DYRK1A: variants seen among roughly 807,000 people sequenced by gnomAD.
DYRK1A encodes the protein dual specificity tyrosine-phosphorylation-regulated kinase 1A.
A neutral mutation model predicts 79.7 loss-of-function variants in DYRK1A; 9 were observed. That is an observed-to-expected ratio of 0.11 (90% confidence interval 0.07 to 0.20). The LOEUF is 0.20. Among genes scored for constraint, DYRK1A ranks in the 10% least tolerant of loss-of-function variants. DYRK1A has a pLI of 1.00. For synonymous variants in DYRK1A, 349 were observed against 329.7 expected, an observed-to-expected ratio of 1.06 and a Z score of -0.63; for missense variants, 622 against 956.0, an observed-to-expected ratio of 0.65 and a Z score of 4.61.
intron 1 of DYRK1A, among the ~76,000 whole-genome samples, chr21:37,417,283 TGATTTC>T (rs1305124379): frequency 2.0e-5 from 3 of 152,010 alleles, no homozygotes; most frequent in African/African-American, 7.2e-5. Flanking sequence ...CTCCGCCTCC[TGATTTC>T]AAGCAATTCT....
intron 6 of DYRK1A, among the ~76,000 whole-genome samples, chr21:37,489,634 A>G (rs1034570314): frequency 3.3e-5 from 2 of 60,780 alleles, no homozygotes; most frequent in Non-Finnish European, 7.4e-5. Context: ...CCTAAAGGGT[A>G]AAAAAAAAAA....
Position 37,367,422 on chromosome 21 carries a change from G to T in DYRK1A, c.-283G>T, listed in dbSNP as rs993905349. On this transcript the variant is annotated 5_prime_UTR_variant, in exon 1 of 12. Coordinates refer to ENST00000647188, the MANE Select transcript of DYRK1A (RefSeq NM_001347721.2). ...TGCGGTATTTGCCGGGGAGGGGGCT[G>T]TCGCCTCCCCGGCCCCGGGCGCCGC... The T allele has an allele frequency of 6.7e-6, 1 of 148,736 alleles. No individual in the cohort carries two copies. The highest frequency in any genetic ancestry group is 1.5e-5 in the Non-Finnish European group (1 of 66,720). The allele number at this position is 148,736 out of a possible 1,614,324, so 9.2% of individuals were successfully genotyped here. A position where few individuals can be genotyped will look rare whatever the true frequency, so the allele number is the denominator to read the frequency against.
intron 1 of DYRK1A, among the ~76,000 whole-genome samples, chr21:37,380,233 A>T (rs945010704): frequency 6.6e-6 from 1 of 152,162 alleles, no homozygotes; most frequent in African/African-American, 2.4e-5. Context: ...TTTTCCCTCG[A>T]AAAAAACAAC....
At chr21:37,488,861 G>C (rs976009577) in intron 6 of DYRK1A, 2 of 985,218 alleles carry the variant, frequency 2.0e-6, no homozygotes, top group Non-Finnish European at 2.4e-6. Context: ...CCATGATTGT[G>C]AGGTATCATG....
At chr21:37,501,136 G>C (rs2053431058) in intron 9 of DYRK1A, among the ~76,000 whole-genome samples, 1 of 142,072 alleles carries the variant, frequency 7.0e-6, no homozygotes, top group Admixed American at 6.9e-5. Flanking sequence ...GCATTCTGCA[G>C]CTTTTTATAT....
intron 1 of DYRK1A, among the ~76,000 whole-genome samples, chr21:37,395,348 G>A (rs756443367): frequency 2.0e-5 from 3 of 152,116 alleles, no homozygotes; most frequent in Non-Finnish European, 4.4e-5. Context: ...GGATGATGTC[G>A]CCCTTCAAGG....
At chr21:37,379,722 T>C (rs1188483137) in intron 1 of DYRK1A, among the ~76,000 whole-genome samples, 3 of 152,242 alleles carry the variant, frequency 2.0e-5, no homozygotes, top group Non-Finnish European at 4.4e-5. Flanking sequence ...GCTGAGCATG[T>C]GAGCAGTTTC....
At chr21:37,475,809 T>C (rs1167444113) in intron 3 of DYRK1A, among the ~76,000 whole-genome samples, 4 of 152,166 alleles carry the variant, frequency 2.6e-5, no homozygotes, top group Non-Finnish European at 4.4e-5. Context: ...TTTTTTTTGA[T>C]TATATGTGAT....
intron 11 of DYRK1A, among the ~76,000 whole-genome samples, chr21:37,508,009 C>A (rs1195824100): frequency 6.6e-6 from 1 of 152,166 alleles, no homozygotes; most frequent in Non-Finnish European, 1.5e-5. Flanking sequence ...TCTACTTTTG[C>A]CATTCTTTGT....
At chr21:37,383,434 T>C (rs558341331) in intron 1 of DYRK1A, among the ~76,000 whole-genome samples, 1 of 152,338 alleles carries the variant, frequency 6.6e-6, no homozygotes, top group East Asian at 1.9e-4. Flanking sequence ...TCCTTTCAGC[T>C]TAAACAAAGC....
chr21:37,499,662 AT>A (rs141309988), intron 9 of DYRK1A, among the ~76,000 whole-genome samples: 5 of 151,990 alleles, frequency 3.3e-5, no homozygotes, highest in Middle Eastern at 3.2e-3. Flanking sequence ...TTAGTTTTTA[AT>A]TTTTTAGATG....
intron 2 of DYRK1A, among the ~76,000 whole-genome samples, chr21:37,469,443 C>G (rs921703096): frequency 6.6e-6 from 1 of 152,172 alleles, no homozygotes; most frequent in African/African-American, 2.4e-5. Flanking sequence ...ATGAAGTAAA[C>G]AATTCTACTC....
At chr21:37,505,671 A>C in intron 10 of DYRK1A, 82 bp downstream of exon 10, 1 of 1,424,800 alleles carries the variant, frequency 7.0e-7, no homozygotes, top group Non-Finnish European at 9.4e-7. Context: ...AGTGTTGATT[A>C]AATTTGTTAA....
rs1602360806 is a variant in DYRK1A at position 37,377,270 on chromosome 21, C to T, written c.-77+9642C>T. Among the ~76,000 whole-genome samples, 3 of 152,316 alleles carry T rather than the reference C, an allele frequency of 2.0e-5. No individual in the cohort carries two copies. The East Asian group carries it at 5.8e-4, about 29-fold the overall frequency. ...GAGTAGCTGGGACTACAGGCCCCTG[C>T]CACCACGCCCGGCTAATTTTTCGTA... On this transcript the variant is annotated intron_variant, in intron 1 of 11. Coordinates refer to ENST00000647188, the MANE Select transcript of DYRK1A (RefSeq NM_001347721.2).
At chr21:37,445,271 A>T (rs891837621) in intron 2 of DYRK1A, among the ~76,000 whole-genome samples, 1 of 152,254 alleles carries the variant, frequency 6.6e-6, no homozygotes. Flanking sequence ...GAATAATTCA[A>T]CAAAACAGAA....
In DYRK1A at chr21:37,493,115, T is replaced by C. The variant is rs765348174; in HGVS notation, c.1023T>C (p.Ile341=). 6.2e-7 allele frequency: 1 copy of C among 1,613,688 alleles called. No individual in the cohort carries two copies. The highest frequency in any genetic ancestry group is 8.5e-7 in the Non-Finnish European group (1 of 1,179,692). ...TTGATATGTGGTCCCTCGGGTGTAT[T>C]TTGGTTGAAATGCACACTGGAGAAC... ...LAIDMWSLGC[I]LVEMHTGEPL... Residue 341 remains isoleucine (I), a synonymous_variant, in exon 8 of 12, where the codon ATT becomes ATC. Transcript: ENST00000647188.
chr21:37,389,858 G>A (rs2049836300), intron 1 of DYRK1A, among the ~76,000 whole-genome samples: 1 of 151,970 alleles, frequency 6.6e-6, no homozygotes, highest in African/African-American at 2.4e-5. Flanking sequence ...AGAAGGGCTG[G>A]CATGCACAGT....
At chr21:37,478,711 C>T (rs1346092766) in intron 4 of DYRK1A, among the ~76,000 whole-genome samples, 2 of 152,086 alleles carry the variant, frequency 1.3e-5, no homozygotes, top group African/African-American at 4.8e-5. Context: ...TCAGGAAGCT[C>T]TGAAATATGT....
At chr21:37,484,882 C>T (rs1004345967) in intron 5 of DYRK1A, among the ~76,000 whole-genome samples, 1 of 152,166 alleles carries the variant, frequency 6.6e-6, no homozygotes, top group African/African-American at 2.4e-5. Context: ...CCCTCTTGGG[C>T]TGAGGTGTTG....
Sources: allele counts gnomAD v4.1 joint callset (sites outside exome capture counted in the v4.1 genomes callset), GRCh38; gene constraint gnomAD v4.1.1; transcripts MANE v1.5; gene names NCBI Gene and HGNC (gene_info 2026-07-23, HGNC 2026-07-21).